Variants in GALNTL6 observed in about 807,000 individuals in gnomAD.
The protein encoded by GALNTL6 is polypeptide N-acetylgalactosaminyltransferase like 6.
In GALNTL6, 46 loss-of-function variants were observed where a neutral mutation model predicts 73.7. The ratio of observed to expected loss-of-function variants is 0.62; its 90% CI spans 0.49 to 0.80. The LOEUF (loss-of-function observed/expected upper bound fraction) is 0.80, where lower values mean the gene tolerates loss of function less well. GALNTL6 is among the 30% of genes least tolerant of loss of function. The probability of loss-of-function intolerance (pLI) is 0.00; values close to 1 mark genes in which losing one functional copy is unlikely to be tolerated. For synonymous variants in GALNTL6, 259 were observed against 263.7 expected (o/e 0.98, Z 0.17); for missense variants, 604 against 755.0 (o/e 0.80, Z 2.34).
chr4:172,833,597 A>C (rs1397375708), intron 7 of GALNTL6, among the ~76,000 whole-genome samples: 2 of 152,188 alleles, frequency 1.3e-5, no homozygotes, highest in Non-Finnish European at 2.9e-5. Context: ...ACAAGGGCTG[A>C]TTTGACCAAA....
intron 2 of GALNTL6, among the ~76,000 whole-genome samples, chr4:172,078,000 A>G (rs1731756151): frequency 6.6e-6 from 1 of 152,180 alleles, no homozygotes; most frequent in Non-Finnish European, 1.5e-5. Flanking sequence ...ATGGCTTCAG[A>G]GAGTGCAAGC....
At chr4:173,008,628 T>C (rs1447759801) in intron 10 of GALNTL6, among the ~76,000 whole-genome samples, 1 of 152,196 alleles carries the variant, frequency 6.6e-6, no homozygotes, top group Admixed American at 6.5e-5. Context: ...CTAGGATTTT[T>C]AAGGGTTTTG....
chr4:172,459,093 A>G (rs1033196498), intron 5 of GALNTL6, among the ~76,000 whole-genome samples: 1 of 152,256 alleles, frequency 6.6e-6, no homozygotes, highest in African/African-American at 2.4e-5. Flanking sequence ...CATCACATAA[A>G]CAGAACCAAT....
intron 2 of GALNTL6, among the ~76,000 whole-genome samples, chr4:172,002,215 A>G (rs1162728939): frequency 6.6e-6 from 1 of 152,214 alleles, no homozygotes; most frequent in East Asian, 1.9e-4. Flanking sequence ...TATCAAATTC[A>G]TATGTTGAAA....
intron 5 of GALNTL6, among the ~76,000 whole-genome samples, chr4:172,472,106 AAAGG>A (rs1733075241): frequency 6.6e-6 from 1 of 152,206 alleles, no homozygotes; most frequent in Non-Finnish European, 1.5e-5. Context: ...AAGTTTTAGA[AAAGG>A]AAGGGAAACC....
intron 5 of GALNTL6, among the ~76,000 whole-genome samples, chr4:172,628,735 G>A (rs1739268692): frequency 2.0e-5 from 3 of 152,090 alleles, no homozygotes. Context: ...GTTGCAGATA[G>A]TGACTTCCAA....
intron 9 of GALNTL6, among the ~76,000 whole-genome samples, chr4:172,942,543 T>G (rs930136830): frequency 2.0e-5 from 3 of 152,182 alleles, no homozygotes; most frequent in Admixed American, 6.5e-5. Context: ...ACCATTGGCT[T>G]GATTACCAGG....
At chr4:172,143,270 G>T (rs1733846818) in intron 2 of GALNTL6, among the ~76,000 whole-genome samples, 1 of 150,018 alleles carries the variant, frequency 6.7e-6, no homozygotes, top group South Asian at 2.1e-4. Context: ...AAGCTATATG[G>T]GTTTTATGTT....
intron 5 of GALNTL6, among the ~76,000 whole-genome samples, chr4:172,720,097 C>T (rs147077161): frequency 1.1e-3 from 171 of 152,074 alleles, no homozygotes; most frequent in African/African-American, 4.0e-3. Context: ...TTGTGCTGAC[C>T]TCGTATCTCA....
At position 172,586,592 on chromosome 4, in the gene GALNTL6, G is replaced by A. The variant is rs111373369; in HGVS notation, c.554-222769G>A. ...CATGAACAAAATGTAGGCTGTGGAG[G>A]ACTATATCTGGATGCAGGGAATGGT... On this transcript the variant is annotated intron_variant, in intron 5 of 12. Transcript: ENST00000506823. Among the ~76,000 whole-genome samples the A allele has an allele frequency of 8.1e-3, 1,240 of 152,276 alleles. 10 individuals are homozygous for A. Among genetic ancestry groups the A allele is most frequent in the Non-Finnish European group, 0.015 (999 of 68,024 alleles).
At chr4:172,529,897 T>C (rs147569159) in intron 5 of GALNTL6, among the ~76,000 whole-genome samples, 3 of 149,990 alleles carry the variant, frequency 2.0e-5, no homozygotes, top group African/African-American at 4.9e-5. Context: ...ATTTATTTAT[T>C]TATCTATTTA....
intron 5 of GALNTL6, among the ~76,000 whole-genome samples, chr4:172,434,856 G>A (rs540083393): frequency 6.6e-6 from 1 of 152,002 alleles, no homozygotes; most frequent in African/African-American, 2.4e-5. Flanking sequence ...CATTTCTGTG[G>A]CATCATATTC....
At chr4:172,025,988 A>C (rs1267007842) in intron 2 of GALNTL6, among the ~76,000 whole-genome samples, 1 of 152,120 alleles carries the variant, frequency 6.6e-6, no homozygotes, top group African/African-American at 2.4e-5. Context: ...AGAGTCAAAC[A>C]GAATGAGTGA....
chr4:172,002,028 T>C (rs1740692225), intron 2 of GALNTL6, among the ~76,000 whole-genome samples: 1 of 152,128 alleles, frequency 6.6e-6, no homozygotes, highest in Admixed American at 6.6e-5. Context: ...ATAAGGCTTA[T>C]GGTGGGGGAA....
chr4:172,126,633 T>C (rs1027010105), intron 2 of GALNTL6, among the ~76,000 whole-genome samples: 6 of 152,026 alleles, frequency 3.9e-5, no homozygotes, highest in African/African-American at 1.4e-4. Context: ...ATCATAGCCA[T>C]AGAAAAGCCC....
At chr4:172,223,796 T>G (rs530611665) in intron 2 of GALNTL6, among the ~76,000 whole-genome samples, 1 of 152,278 alleles carries the variant, frequency 6.6e-6, no homozygotes, top group Non-Finnish European at 1.5e-5. Flanking sequence ...AACACTAGTT[T>G]ATCACCTGGT....
At chr4:172,326,390 G>A (rs1381387719) in intron 4 of GALNTL6, among the ~76,000 whole-genome samples, 10 of 151,800 alleles carry the variant, frequency 6.6e-5, no homozygotes, top group Non-Finnish European at 7.4e-5. Context: ...CTTTGTTATC[G>A]GGTGCATAAA....
At chr4:172,686,559 A>T (rs1732931650) in intron 5 of GALNTL6, among the ~76,000 whole-genome samples, 1 of 152,242 alleles carries the variant, frequency 6.6e-6, no homozygotes, top group Non-Finnish European at 1.5e-5. Context: ...TGTACAAGCA[A>T]ATTTCCATGC....
At chr4:172,536,486 G>C (rs1223317229) in intron 5 of GALNTL6, among the ~76,000 whole-genome samples, 1 of 152,064 alleles carries the variant, frequency 6.6e-6, no homozygotes, top group Non-Finnish European at 1.5e-5. Flanking sequence ...ATGGAGATGA[G>C]GAATGTTTTG....
Sources: allele counts gnomAD v4.1 joint callset (sites outside exome capture counted in the v4.1 genomes callset), GRCh38; gene constraint gnomAD v4.1.1; transcripts MANE v1.5; gene names NCBI Gene and HGNC (gene_info 2026-07-23, HGNC 2026-07-21).